The following PPP3CA variants were observed in gnomAD, a reference collection of about 807,000 sequenced individuals.
PPP3CA encodes the protein CAM-PRP catalytic subunit.
A neutral mutation model predicts 66.5 loss-of-function variants in PPP3CA; 14 were observed. The ratio of observed to expected loss-of-function variants is 0.21; its 90% CI spans 0.14 to 0.33. The LOEUF (loss-of-function observed/expected upper bound fraction) is 0.33. PPP3CA is among the 10% of genes least tolerant of loss of function. PPP3CA has a pLI of 1.00. For synonymous variants in PPP3CA, 232 were observed against 226.2 expected (o/e 1.03, Z -0.23); for missense variants, 317 against 639.5 (o/e 0.50, Z 5.44).
intron 8 of PPP3CA, among the ~76,000 whole-genome samples, chr4:101,068,210 G>C (rs1413872371): frequency 6.6e-6 from 1 of 152,138 alleles, no homozygotes; most frequent in African/African-American, 2.4e-5. Flanking sequence ...CCGAATGGGG[G>C]CATTCCAGAA....
intron 1 of PPP3CA, among the ~76,000 whole-genome samples, chr4:101,227,960 T>C (rs1578572794): frequency 6.6e-6 from 1 of 151,668 alleles, no homozygotes; most frequent in Non-Finnish European, 1.5e-5. Flanking sequence ...TTTTCTTTAT[T>C]CAGTCTACCA....
chr4:101,248,973 A>C (rs1726580418), intron 1 of PPP3CA, among the ~76,000 whole-genome samples: 1 of 151,600 alleles, frequency 6.6e-6, no homozygotes, highest in East Asian at 1.9e-4. Context: ...ATCCTGGCTA[A>C]CAAGGTGAAA....
At chr4:101,322,187 T>C (rs1729060686) in intron 1 of PPP3CA, among the ~76,000 whole-genome samples, 1 of 152,002 alleles carries the variant, frequency 6.6e-6, no homozygotes, top group Non-Finnish European at 1.5e-5. Context: ...TATTCGAAAA[T>C]GCATGAAAAT....
chr4:101,156,625 G>A (rs779699574), intron 2 of PPP3CA, among the ~76,000 whole-genome samples: 105 of 151,936 alleles, frequency 6.9e-4, no homozygotes, highest in Admixed American at 7.2e-4. Context: ...GGTTGTGATC[G>A]TGCCATTGCA....
At chr4:101,315,954 G>C (rs1728871781) in intron 1 of PPP3CA, among the ~76,000 whole-genome samples, 1 of 152,090 alleles carries the variant, frequency 6.6e-6, no homozygotes, top group Non-Finnish European at 1.5e-5. Context: ...CTGGTTGCTT[G>C]CCTAGTATGA....
chr4:101,279,209 T>C (rs1233680479), intron 1 of PPP3CA, among the ~76,000 whole-genome samples: 1 of 152,074 alleles, frequency 6.6e-6, no homozygotes, highest in Non-Finnish European at 1.5e-5. Flanking sequence ...CACAATTCAA[T>C]TACATTTTAC....
At chr4:101,077,196 G>A (rs752768176) in intron 8 of PPP3CA, among the ~76,000 whole-genome samples, 12 of 152,170 alleles carry the variant, frequency 7.9e-5, no homozygotes, top group East Asian at 1.9e-4. Flanking sequence ...GAAATACTGG[G>A]CATTTAAATA....
rs368666488 is a variant in PPP3CA, at chr4:101,101,615, C to G, written c.385-1893G>C. On this transcript the variant is annotated intron_variant, in intron 3 of 13. Coordinates refer to ENST00000394854, the MANE Select transcript of PPP3CA (RefSeq NM_000944.5). ...GGAGAGAATACATGTTCTGAAGGCA[C>G]TTAGGCTACTTTTTTAAAGTTTTTT... Among the ~76,000 whole-genome samples the G allele has an allele frequency of 1.2e-4, 18 of 151,974 alleles. No individual in the cohort carries two copies. The South Asian group carries it at 2.5e-3, about 21-fold the overall frequency.
intron 5 of PPP3CA, among the ~76,000 whole-genome samples, chr4:101,097,704 T>A (rs1366177551): frequency 6.6e-6 from 1 of 152,134 alleles, no homozygotes; most frequent in Non-Finnish European, 1.5e-5. Flanking sequence ...TTGTACTACA[T>A]AAAACTATCC....
intron 1 of PPP3CA, among the ~76,000 whole-genome samples, chr4:101,300,835 G>A (rs988967270): frequency 6.6e-6 from 1 of 152,062 alleles, no homozygotes; most frequent in African/African-American, 2.4e-5. Context: ...ATTCTGGATT[G>A]TACTGTATAT....
chr4:101,234,958 A>C (rs929451303), intron 1 of PPP3CA, among the ~76,000 whole-genome samples: 3 of 151,768 alleles, frequency 2.0e-5, no homozygotes, highest in African/African-American at 7.2e-5. Context: ...AAGATATTTC[A>C]ATAGAGTAAT....
At chr4:101,298,115 A>G (rs1288553502) in intron 1 of PPP3CA, among the ~76,000 whole-genome samples, 1 of 151,970 alleles carries the variant, frequency 6.6e-6, no homozygotes, top group Non-Finnish European at 1.5e-5. Context: ...GGACTGTAGT[A>G]TTTCTCCTAT....
At chr4:101,337,959 G>GT (rs1729689899) in intron 1 of PPP3CA, among the ~76,000 whole-genome samples, 1 of 152,214 alleles carries the variant, frequency 6.6e-6, no homozygotes. Context: ...TATATACACA[G>GT]TAAGTTATCA....
intron 1 of PPP3CA, among the ~76,000 whole-genome samples, chr4:101,324,080 C>T (rs1251249506): frequency 6.6e-6 from 1 of 150,500 alleles, no homozygotes; most frequent in Non-Finnish European, 1.5e-5. Flanking sequence ...TGCACTCCAG[C>T]CTGGGTGACA....
At chr4:101,248,484 A>G (rs1726562444) in intron 1 of PPP3CA, among the ~76,000 whole-genome samples, 1 of 152,182 alleles carries the variant, frequency 6.6e-6, no homozygotes, top group South Asian at 2.1e-4. Flanking sequence ...AAATATTTAA[A>G]CATATATATT....
chr4:101,337,791 G>A (rs1358080738), intron 1 of PPP3CA, among the ~76,000 whole-genome samples: 1 of 152,152 alleles, frequency 6.6e-6, no homozygotes, highest in African/African-American at 2.4e-5. Context: ...CTTCTGTAAG[G>A]ATGGGACTAA....
At chr4:101,100,684 C>T (rs937718853) in intron 3 of PPP3CA, among the ~76,000 whole-genome samples, 4 of 152,038 alleles carry the variant, frequency 2.6e-5, no homozygotes, top group Admixed American at 2.6e-4. Flanking sequence ...AACAAGTATG[C>T]CCTTTTATCC....
rs1055963539 is a variant in PPP3CA at position 101,327,494 on chromosome 4, GA to G, written c.58+19244del. On this transcript the variant is annotated intron_variant, in intron 1 of 13. Coordinates refer to ENST00000394854, the MANE Select transcript of PPP3CA (RefSeq NM_000944.5). ...ACAAATTAAATCCACATTTGTGGGAGAAAAAAAAAAAAGACAAACAAAAAAT... is the reference window on the plus strand; with the variant it reads ...ACAAATTAAATCCACATTTGTGGGAGAAAAAAAAAAAGACAAACAAAAAAT... 1.9e-3 allele frequency among the ~76,000 whole-genome samples: 258 copies of G among 135,390 alleles called. 1 individual carries two copies. The East Asian group carries it at 0.028, about 15-fold the overall frequency. 88.8% of individuals were successfully genotyped at this position (135,390 alleles called of 152,430 possible).
At chr4:101,092,776 G>A (rs1730013759) in intron 6 of PPP3CA, among the ~76,000 whole-genome samples, 1 of 152,096 alleles carries the variant, frequency 6.6e-6, no homozygotes, top group Non-Finnish European at 1.5e-5. Flanking sequence ...TCCCTGCAAA[G>A]AACATGAACA....
Sources: allele counts gnomAD v4.1 joint callset (sites outside exome capture counted in the v4.1 genomes callset), GRCh38; gene constraint gnomAD v4.1.1; transcripts MANE v1.5; gene names NCBI Gene and HGNC (gene_info 2026-07-23, HGNC 2026-07-21).